Variants in COL25A1 observed in about 807,000 individuals in gnomAD.
COL25A1 encodes the protein collagen alpha-1(XXV) chain.
Under a neutral mutation model 128.4 loss-of-function variants are expected in COL25A1, and 103 were observed. The observed-to-expected ratio is 0.80, with a 90% CI of 0.68 to 0.94. The LOEUF (loss-of-function observed/expected upper bound fraction) is 0.94. Ranked by LOEUF, COL25A1 falls within the 40% of genes least tolerant of loss-of-function variation. The pLI, the probability that COL25A1 is intolerant of heterozygous loss-of-function variation, is 0.00. For missense variants in COL25A1, 745 were observed against 840.0 expected (o/e 0.89, Z 1.40); for synonymous variants, 279 against 277.2 (o/e 1.01, Z -0.06).
Position 108,873,802 on chromosome 4 carries a change from C to T in COL25A1, c.1021-4652G>A, listed in dbSNP as rs547061447. On this transcript the variant is annotated intron_variant, in intron 19 of 37. Transcript: ENST00000399132. Reference sequence around the variant, plus strand: ...TTGCAAAACCAAAAGAGGTTTAAAACACATCAGAACGGTGTAAGATAGAAA... The same window carrying T: ...TTGCAAAACCAAAAGAGGTTTAAAATACATCAGAACGGTGTAAGATAGAAA... Among the ~76,000 whole-genome samples the T allele has an allele frequency of 2.0e-5, 3 of 152,120 alleles. No individual in the cohort carries two copies. In the South Asian group the frequency reaches 6.2e-4, roughly 32 times the overall value.
At chr4:109,251,100 T>C (rs1242562668) in intron 3 of COL25A1, among the ~76,000 whole-genome samples, 1 of 152,202 alleles carries the variant, frequency 6.6e-6, no homozygotes, top group Non-Finnish European at 1.5e-5. Flanking sequence ...ATACATCTTA[T>C]GTTACATAAT....
chr4:108,822,490 C>T (rs1388198430), intron 35 of COL25A1, among the ~76,000 whole-genome samples: 1 of 152,138 alleles, frequency 6.6e-6, no homozygotes, highest in African/African-American at 2.4e-5. Context: ...GAGCATAGCT[C>T]ACTGCAGCCT....
At chr4:109,197,378 TA>T (rs1181105092) in intron 3 of COL25A1, among the ~76,000 whole-genome samples, 1 of 128,274 alleles carries the variant, frequency 7.8e-6, no homozygotes, top group Non-Finnish European at 1.6e-5. Flanking sequence ...ATAATATATA[TA>T]ATATATAATC....
chr4:109,174,668 T>G (rs1328415438), intron 3 of COL25A1, among the ~76,000 whole-genome samples: 1 of 152,232 alleles, frequency 6.6e-6, no homozygotes, highest in Non-Finnish European at 1.5e-5. Context: ...TGCGTTATTG[T>G]GTGTTCCACC....
intron 3 of COL25A1, among the ~76,000 whole-genome samples, chr4:109,096,027 G>A (rs568324537): frequency 6.6e-5 from 10 of 152,326 alleles, no homozygotes; most frequent in Non-Finnish European, 1.0e-4. Flanking sequence ...TGGAGCGAAC[G>A]TGTCTGGAAT....
chr4:109,222,302 T>C (rs1258472090), intron 3 of COL25A1, among the ~76,000 whole-genome samples: 2 of 151,984 alleles, frequency 1.3e-5, no homozygotes, highest in Non-Finnish European at 2.9e-5. Flanking sequence ...GACCTCGTGA[T>C]CCGCCCGCCT....
At chr4:108,921,867 C>A (rs1277463888) in intron 11 of COL25A1, among the ~76,000 whole-genome samples, 1 of 152,112 alleles carries the variant, frequency 6.6e-6, no homozygotes, top group Non-Finnish European at 1.5e-5. Context: ...CAGACATTCT[C>A]CCTACTTATC....
chr4:108,924,708 C>T (rs1402732839), intron 11 of COL25A1, among the ~76,000 whole-genome samples: 1 of 152,184 alleles, frequency 6.6e-6, no homozygotes, highest in African/African-American at 2.4e-5. Context: ...GTGAGCTTCC[C>T]CTAATGGGTT....
intron 3 of COL25A1, among the ~76,000 whole-genome samples, chr4:109,136,866 T>A (rs368090061): frequency 6.6e-6 from 1 of 152,354 alleles, no homozygotes; most frequent in East Asian, 1.9e-4. Flanking sequence ...TCAGGTGCCC[T>A]CACTCTTCCA....
intron 3 of COL25A1, among the ~76,000 whole-genome samples, chr4:109,161,959 G>A (rs940763312): frequency 2.6e-5 from 4 of 152,124 alleles, no homozygotes; most frequent in African/African-American, 7.2e-5. Context: ...ATTCGGCAGC[G>A]CACTGAACTT....
intron 3 of COL25A1, among the ~76,000 whole-genome samples, chr4:109,122,665 T>G (rs775482903): frequency 6.6e-6 from 1 of 152,040 alleles, no homozygotes; most frequent in African/African-American, 2.4e-5. Flanking sequence ...CAATGAACTT[T>G]CTAGGGGAAA....
chr4:109,262,223 C>G (rs1781502811), intron 3 of COL25A1, among the ~76,000 whole-genome samples: 1 of 151,936 alleles, frequency 6.6e-6, no homozygotes, highest in Non-Finnish European at 1.5e-5. Flanking sequence ...GCTCTAAAAG[C>G]CTTCTACAGG....
At chr4:108,947,039 C>T (rs913871635) in intron 8 of COL25A1, among the ~76,000 whole-genome samples, 1 of 152,100 alleles carries the variant, frequency 6.6e-6, no homozygotes, top group African/African-American at 2.4e-5. Context: ...AAGGAAGAGG[C>T]TTTCTGGGGT....
chr4:108,993,869 A>AAAC (rs1391581365), intron 6 of COL25A1, among the ~76,000 whole-genome samples: 10 of 151,824 alleles, frequency 6.6e-5, no homozygotes, highest in South Asian at 2.1e-4. Flanking sequence ...TCAAAAAAAA[A>AAAC]AAAACAAGAA....
At chr4:108,956,426 A>G (rs1750080168) in intron 8 of COL25A1, among the ~76,000 whole-genome samples, 2 of 152,116 alleles carry the variant, frequency 1.3e-5, no homozygotes, top group East Asian at 1.9e-4. Context: ...TGTTTTTGAG[A>G]CAGAATTTTG....
intron 3 of COL25A1, among the ~76,000 whole-genome samples, chr4:109,173,604 T>C (rs1225169465): frequency 6.6e-6 from 1 of 152,136 alleles, no homozygotes; most frequent in Non-Finnish European, 1.5e-5. Context: ...AGCCACCAAA[T>C]GGCAAATCTG....
At chr4:108,893,159 T>A (rs928787814) in intron 16 of COL25A1, among the ~76,000 whole-genome samples, 2 of 151,894 alleles carry the variant, frequency 1.3e-5, no homozygotes, top group African/African-American at 4.8e-5. Flanking sequence ...ATGTGAAGTA[T>A]GAAGATGAAG....
At position 108,868,225 on chromosome 4, in the gene COL25A1, AGCAATTTGGGGTAC is replaced by A. The variant is rs1292070064; in HGVS notation, c.1083+849_1083+862del. On this transcript the variant is annotated intron_variant, in intron 20 of 37. Transcript: ENST00000399132. ...GCTAATAGCATCCCATCAATTTAGG[AGCAATTTGGGGTAC>A]AAGTGGAACAACTGAAATATTTCAC... Among the ~76,000 whole-genome samples the A allele has an allele frequency of 2.6e-5, 4 of 152,188 alleles. No individual in the cohort carries two copies. In the East Asian group the frequency reaches 7.7e-4, roughly 29 times the overall value.
chr4:108,953,681 A>G (rs1413712303), intron 8 of COL25A1, among the ~76,000 whole-genome samples: 1 of 151,982 alleles, frequency 6.6e-6, no homozygotes, highest in African/African-American at 2.4e-5. Context: ...CTGCTCCATG[A>G]GAAACAAGAA....
Sources: gnomAD v4.1 joint callset for allele counts (sites outside exome capture counted in the v4.1 genomes callset) on GRCh38, gnomAD v4.1.1 for gene constraint, MANE v1.5 for transcripts, NCBI Gene and HGNC (gene_info 2026-07-23, HGNC 2026-07-21) for gene names.